GALK2: variants seen among roughly 807,000 people sequenced by gnomAD.
The protein encoded by GALK2 is N-acetylgalactosamine kinase.
Under a neutral mutation model 52.4 loss-of-function variants are expected in GALK2, and 36 were observed. The observed-to-expected ratio is 0.69, with a 90% CI of 0.53 to 0.91. The LOEUF is 0.91. Ranked by LOEUF, GALK2 falls within the 40% of genes least tolerant of loss-of-function variation. GALK2 has a pLI of 0.00. For missense variants in GALK2, 579 were observed against 559.1 expected, an observed-to-expected ratio of 1.04 and a Z score of -0.36; for synonymous variants, 176 against 199.1, an observed-to-expected ratio of 0.88 and a Z score of 0.98.
intron 1 of GALK2, among the ~76,000 whole-genome samples, chr15:49,181,651 A>C (rs1453861526): frequency 6.6e-6 from 1 of 151,782 alleles, no homozygotes; most frequent in Non-Finnish European, 1.5e-5. Flanking sequence ...AGCTGGGATT[A>C]CAGGAGCCCG....
At chr15:49,215,365 A>G (rs2141373823) in intron 2 of GALK2, among the ~76,000 whole-genome samples, 1 of 152,208 alleles carries the variant, frequency 6.6e-6, no homozygotes, top group South Asian at 2.1e-4. Context: ...TAACTCTTAG[A>G]TTTGCCCCTT....
rs1414853708 is a variant in GALK2 at position 49,265,197 on chromosome 15, G to T, written c.505-16790G>T. ...GAGGTGGAGCCTACAGAGGCAGGCA[G>T]GCCTCCTTGAGCTGTGGTGGGCTCC... On this transcript the variant is annotated intron_variant, in intron 5 of 9. Coordinates refer to ENST00000560031, the MANE Select transcript of GALK2 (RefSeq NM_002044.4). 2.6e-5 allele frequency among the ~76,000 whole-genome samples: 4 copies of T among 152,342 alleles called. No individual in the cohort carries two copies. In the South Asian group the frequency reaches 6.2e-4, roughly 24 times the overall value.
intron 1 of GALK2, among the ~76,000 whole-genome samples, chr15:49,172,324 G>C (rs1484362692): frequency 2.0e-5 from 3 of 152,086 alleles, no homozygotes; most frequent in Admixed American, 6.5e-5. Flanking sequence ...TATTTATTCT[G>C]TGTTATCCAC....
chr15:49,316,290 G>A (rs1025417721), intron 8 of GALK2, among the ~76,000 whole-genome samples: 3 of 152,064 alleles, frequency 2.0e-5, no homozygotes, highest in African/African-American at 7.2e-5. Context: ...ATGATATAGT[G>A]GTTATCTACG....
At chr15:49,273,585 G>A (rs538411337) in intron 5 of GALK2, among the ~76,000 whole-genome samples, 2 of 148,492 alleles carry the variant, frequency 1.3e-5, no homozygotes, top group East Asian at 2.0e-4. Context: ...CTTACAAAGT[G>A]TCTGTAAGTT....
chr15:49,196,783 GA>G (rs989462571), intron 1 of GALK2, among the ~76,000 whole-genome samples: 1 of 151,962 alleles, frequency 6.6e-6, no homozygotes, highest in Non-Finnish European at 1.5e-5. Flanking sequence ...TTTCATTTGG[GA>G]TATTTCTTAA....
At chr15:49,164,398 G>A (rs2084750859) in intron 1 of GALK2, among the ~76,000 whole-genome samples, 1 of 151,982 alleles carries the variant, frequency 6.6e-6, no homozygotes, top group Admixed American at 6.6e-5. Context: ...CCTCATTGAG[G>A]TGGGCAACAT....
At position 49,243,091 on chromosome 15, in the gene GALK2, C is replaced by T. The variant is rs147073811; in HGVS notation, c.504+3724C>T. On this transcript the variant is annotated intron_variant, in intron 5 of 9. Coordinates refer to ENST00000560031, the MANE Select transcript of GALK2 (RefSeq NM_002044.4). Reference sequence around the variant, plus strand: ...AAGGCAGCTGACTCATCCCACAGCTCTCTGGCAAGGCTTAGGAAGAAAGCA... The same window carrying T: ...AAGGCAGCTGACTCATCCCACAGCTTTCTGGCAAGGCTTAGGAAGAAAGCA... Among the ~76,000 whole-genome samples, 970 of 152,216 alleles carry T rather than the reference C, an allele frequency of 6.4e-3. 15 individuals are homozygous for T. The highest frequency in any genetic ancestry group is 0.022 in the African/African-American group (914 of 41,528).
At chr15:49,345,021 C>G (rs1283917891) in intron 3 of GALK2, among the ~76,000 whole-genome samples, 2 of 152,122 alleles carry the variant, frequency 1.3e-5, no homozygotes, top group Non-Finnish European at 2.9e-5. Flanking sequence ...ACAGCTATTA[C>G]CTGCTACTAT....
At chr15:49,197,739 T>A (rs926904244) in intron 1 of GALK2, among the ~76,000 whole-genome samples, 26 of 152,196 alleles carry the variant, frequency 1.7e-4, no homozygotes, top group Non-Finnish European at 3.2e-4. Context: ...TGTAATTATA[T>A]ACTATGGTAC....
At chr15:49,231,585 A>G (rs990729504) in intron 3 of GALK2, among the ~76,000 whole-genome samples, 7 of 152,226 alleles carry the variant, frequency 4.6e-5, no homozygotes, top group African/African-American at 1.4e-4. Flanking sequence ...ATCTGAGACA[A>G]GGCAAGTCCC....
intron 1 of GALK2, among the ~76,000 whole-genome samples, chr15:49,183,796 T>C (rs906722736): frequency 6.9e-6 from 1 of 144,204 alleles, no homozygotes; most frequent in Non-Finnish European, 1.5e-5. Context: ...TGAGCCAAGA[T>C]CACACCATTG....
intron 3 of GALK2, among the ~76,000 whole-genome samples, chr15:49,235,309 T>G (rs1276053379): frequency 6.6e-6 from 1 of 152,238 alleles, no homozygotes; most frequent in Non-Finnish European, 1.5e-5. Flanking sequence ...GAGTTTTTCT[T>G]TCCTCTTCAT....
At chr15:49,201,832 T>C (rs774756390) in intron 2 of GALK2, among the ~76,000 whole-genome samples, 1 of 152,236 alleles carries the variant, frequency 6.6e-6, no homozygotes, top group Non-Finnish European at 1.5e-5. Context: ...CTTTTTTTCA[T>C]TTAATATATC....
intron 8 of GALK2, among the ~76,000 whole-genome samples, chr15:49,309,358 CTGATA>C (rs1302150972): frequency 1.3e-4 from 20 of 152,232 alleles, no homozygotes; most frequent in Admixed American, 3.9e-4. Context: ...AGAATGCTGA[CTGATA>C]TAATTACTAA....
intron 3 of GALK2, among the ~76,000 whole-genome samples, chr15:49,352,459 G>A (rs570304212): frequency 6.6e-6 from 1 of 152,288 alleles, no homozygotes; most frequent in African/African-American, 2.4e-5. Context: ...AGCAGCTGAG[G>A]AAATCCTTGT....
At chr15:49,220,239 T>C (rs2089698744) in intron 3 of GALK2, among the ~76,000 whole-genome samples, 1 of 152,080 alleles carries the variant, frequency 6.6e-6, no homozygotes. Flanking sequence ...TTTTTACCTA[T>C]TTGCCAACCT....
intron 3 of GALK2, among the ~76,000 whole-genome samples, chr15:49,348,116 A>G (rs11854667): frequency 0.42 from 63,686 of 151,722 alleles, 13,508 homozygotes; most frequent in African/African-American, 0.45. Context: ...TGGGCCACAG[A>G]TCACTCCCTG....
rs578124935 is a variant in GALK2, at chr15:49,247,355, G to A, written c.504+7988G>A. 2.6e-5 allele frequency among the ~76,000 whole-genome samples: 4 copies of A among 152,212 alleles called. No individual in the cohort carries two copies. In the South Asian group the frequency reaches 8.3e-4, roughly 32 times the overall value. On this transcript the variant is annotated intron_variant, in intron 5 of 9. Coordinates refer to ENST00000560031, the MANE Select transcript of GALK2 (RefSeq NM_002044.4). ...GGCTGTGAGCTGGGGATGGCAAGAT[G>A]TGATTTACATGGATTAAGTTCTTTT...
Sources: allele counts gnomAD v4.1 joint callset (sites outside exome capture counted in the v4.1 genomes callset), GRCh38; gene constraint gnomAD v4.1.1; transcripts MANE v1.5; gene names NCBI Gene and HGNC (gene_info 2026-07-23, HGNC 2026-07-21).